The following UTP20 variants were observed in gnomAD, a reference collection of about 807,000 sequenced individuals.
The protein encoded by UTP20 is UTP20 small subunit processome component, also known as small subunit processome component 20 homolog.
UTP20 carries 164 observed loss-of-function variants against 329.5 expected under a neutral mutation model. The observed-to-expected ratio is 0.50, with a 90% CI of 0.44 to 0.57. The LOEUF (loss-of-function observed/expected upper bound fraction) is 0.57, where lower values mean the gene tolerates loss of function less well. UTP20 is among the 20% of genes least tolerant of loss of function. The pLI is 0.00. For missense variants in UTP20, 3,055 were observed against 3,284.2 expected (o/e 0.93, Z 1.71); for synonymous variants, 1,151 against 1,159.3 (o/e 0.99, Z 0.14).
chr12:101,344,109 G>A (rs79441811), intron 35 of UTP20, among the ~76,000 whole-genome samples: 3,205 of 152,090 alleles, frequency 0.021, 73 homozygotes, highest in African/African-American at 0.058. Flanking sequence ...TAATCTCCCT[G>A]TTTTATACTC....
intron 40 of UTP20, among the ~76,000 whole-genome samples, chr12:101,354,261 CAA>C (rs71091489): frequency 5.5e-3 from 440 of 79,986 alleles, no homozygotes; most frequent in Admixed American, 0.01. Context: ...GACTCTGTCT[CAA>C]AAAAAAAAAA....
At chr12:101,325,252 T>C (rs1868515066) in intron 25 of UTP20, among the ~76,000 whole-genome samples, 1 of 152,230 alleles carries the variant, frequency 6.6e-6, no homozygotes, top group Non-Finnish European at 1.5e-5. Context: ...TTAAATTCTT[T>C]GCACTTGCTC....
At position 101,338,817 on chromosome 12, in the gene UTP20, T is replaced by G. The variant is rs756192055; in HGVS notation, c.3873T>G (p.Ser1291=). The G allele has an allele frequency of 1.2e-6, 2 of 1,601,900 alleles. No individual in the cohort carries two copies. The highest frequency in any genetic ancestry group is 4.6e-5 in the East Asian group (2 of 43,830). Residue 1291 remains serine (S), a synonymous_variant, in exon 31 of 62, where the codon TCT becomes TCG. Transcript: ENST00000261637. ...YPGIAENIGE[S]ITIGGRLILP... Reference sequence around the variant, plus strand: ...TCAAATCACTATCTATTTCAGAGTCTATCACAATAGGAGGAAGATTAATTC... The same window carrying G: ...TCAAATCACTATCTATTTCAGAGTCGATCACAATAGGAGGAAGATTAATTC...
chr12:101,362,466 G>A lies in UTP20; in HGVS notation c.5790+406G>A, dbSNP rs902284380. On this transcript the variant is annotated intron_variant, in intron 44 of 61. Transcript: ENST00000261637. The stretch of plus-strand genomic sequence containing the variant: ...TGCCTGTAAACCCAGCACTTTGGGA[G>A]GCTGAGGTGGGCAGATCACTTGAGT... Among the ~76,000 whole-genome samples the A allele has an allele frequency of 2.0e-5, 3 of 151,688 alleles. No individual in the cohort carries two copies. The South Asian group carries it at 6.3e-4, about 32-fold the overall frequency.
chr12:101,280,385 A>T, intron 1 of UTP20, 58 bp downstream of exon 1: 1 of 1,548,530 alleles, frequency 6.5e-7, no homozygotes, highest in South Asian at 1.2e-5. Flanking sequence ...GTCGTGAGAC[A>T]GGCTCTGAGC....
rs151017457 is a variant in UTP20 at position 101,281,135 on chromosome 12, G to A, written c.65G>A (p.Arg22Gln). The A allele has an allele frequency of 3.1e-4, 493 of 1,612,118 alleles. 1 individual carries two copies. The African/African-American group carries it at 4.9e-3, about 16-fold the overall frequency. The part of the protein sequence containing the change: ...NTYRFLTFAE[R>Q]LGNVNIDIIH... ...TTCCAGTTTCTTACATTTGCTGAAC[G>A]ACTGGGGAATGTTAATATTGATATT... Residue 22 changes from arginine (R) to glutamine (Q), a missense_variant, in exon 2 of 62, where the codon CGA becomes CAA. By Grantham distance (43) the Arg-to-Gln change is conservative. Transcript: ENST00000261637.
chr12:101,366,011 A>G (rs1178481318), intron 46 of UTP20, among the ~76,000 whole-genome samples: 1 of 152,160 alleles, frequency 6.6e-6, no homozygotes, highest in African/African-American at 2.4e-5. Context: ...AGGGCAGATC[A>G]CCTGAGGTCA....
At chr12:101,289,828 A>G (rs1803464982) in intron 6 of UTP20, 1 of 156,140 alleles carries the variant, frequency 6.4e-6, no homozygotes, top group African/African-American at 2.4e-5. Flanking sequence ...ATTTCATAAA[A>G]TACAAATATT....
chr12:101,351,047 C>T (rs981243811), intron 38 of UTP20, among the ~76,000 whole-genome samples: 2 of 152,110 alleles, frequency 1.3e-5, no homozygotes, highest in South Asian at 4.1e-4. Context: ...TAATAAGCCT[C>T]ACTTTATTTA....
At chr12:101,374,768 C>T (rs1870415954) in intron 54 of UTP20, 40 bp from the exon 55 acceptor site, 5 of 856,082 alleles carry the variant, frequency 5.8e-6, no homozygotes, top group Non-Finnish European at 1.0e-5. Flanking sequence ...AAAGGCCTCC[C>T]AAGTTCTCTT....
At chr12:101,329,127 A>G in intron 26 of UTP20, 114 bp from the exon 27 acceptor site, 2 of 903,798 alleles carry the variant, frequency 2.2e-6, no homozygotes, top group Non-Finnish European at 3.4e-6. Flanking sequence ...ATAAATTACC[A>G]TGACAGTAGA....
chr12:101,370,574 G>T lies in UTP20; in HGVS notation c.6687+11G>T, dbSNP rs143658936. 32 of 1,608,720 alleles carry T rather than the reference G, an allele frequency of 2.0e-5. No individual in the cohort carries two copies. The East Asian group carries it at 7.1e-4, about 36-fold the overall frequency. ...TTTGGTCTTCTGAAGGTATGCTGTC[G>T]CCAGAATGTTGACTGTTACGGTTTA... On this transcript the variant is annotated intron_variant, in intron 50 of 61. Coordinates refer to ENST00000261637, the MANE Select transcript of UTP20 (RefSeq NM_014503.3).
intron 47 of UTP20, 135 bp from the exon 48 acceptor site, chr12:101,367,725 C>A (rs890750475): frequency 7.7e-6 from 5 of 646,060 alleles, no homozygotes; most frequent in Admixed American, 6.9e-5. Flanking sequence ...GTTTGTCATT[C>A]CTTAAAAATG....
intron 16 of UTP20, 131 bp downstream of exon 16, chr12:101,306,196 T>G (rs1454045497): frequency 3.3e-6 from 4 of 1,202,760 alleles, no homozygotes; most frequent in Non-Finnish European, 4.5e-6. Context: ...CGATGATTCT[T>G]AAATGTTGGC....
intron 31 of UTP20, among the ~76,000 whole-genome samples, chr12:101,339,992 G>T: frequency 6.6e-6 from 1 of 152,136 alleles, no homozygotes; most frequent in Non-Finnish European, 1.5e-5. Context: ...AGTAGTAGAA[G>T]GATGATGAGA....
At chr12:101,384,474 G>A (rs1457293190) in intron 60 of UTP20, among the ~76,000 whole-genome samples, 2 of 152,182 alleles carry the variant, frequency 1.3e-5, no homozygotes, top group African/African-American at 4.8e-5. Context: ...CTGTGAGGTC[G>A]AGGCTTCAGT....
chr12:101,328,993 A>G (rs149074700), intron 26 of UTP20, among the ~76,000 whole-genome samples: 72 of 152,186 alleles, frequency 4.7e-4, no homozygotes, highest in African/African-American at 1.7e-3. Flanking sequence ...CAGATTTCTT[A>G]CCCTCTTATT....
chr12:101,290,993 GT>G, intron 8 of UTP20, 105 bp downstream of exon 8: 1 of 1,247,278 alleles, frequency 8.0e-7, no homozygotes, highest in Middle Eastern at 2.7e-4. Flanking sequence ...TTTTATAATT[GT>G]TTTATTTATA....
chr12:101,280,204 G>C lies in UTP20; in HGVS notation c.-79G>C. On this transcript the variant is annotated 5_prime_UTR_variant, in exon 1 of 62. Transcript: ENST00000261637. ...GGGAATCGGAGAGTATAGCCTGTGAGCCGCTTTCCCCTCCTTACTGTCGGT... is the reference window on the plus strand; with the variant it reads ...GGGAATCGGAGAGTATAGCCTGTGACCCGCTTTCCCCTCCTTACTGTCGGT... 6.6e-7 allele frequency: 1 copy of C among 1,525,814 alleles called. No individual in the cohort carries two copies. Among genetic ancestry groups the C allele is most frequent in the Non-Finnish European group, 8.9e-7 (1 of 1,124,638 alleles). The allele number at this position is 1,525,814 out of a possible 1,614,324, so 94.5% of individuals were successfully genotyped here.
Sources: allele counts gnomAD v4.1 joint callset (sites outside exome capture counted in the v4.1 genomes callset), GRCh38; gene constraint gnomAD v4.1.1; transcripts MANE v1.5; gene names NCBI Gene and HGNC (gene_info 2026-07-23, HGNC 2026-07-21).